ANO6: variants seen among roughly 807,000 people sequenced by gnomAD.
ANO6 encodes the protein anoctamin-6.
Under a neutral mutation model 117.5 loss-of-function variants are expected in ANO6, and 106 were observed. The ratio of observed to expected loss-of-function variants is 0.90; its 90% CI spans 0.77 to 1.06. The LOEUF (loss-of-function observed/expected upper bound fraction) is 1.06, where lower values mean the gene tolerates loss of function less well. ANO6 is among the 50% of genes least tolerant of loss of function. ANO6 has a pLI of 0.00. For missense variants in ANO6, 955 were observed against 1,121.1 expected (o/e 0.85, Z 2.12); for synonymous variants, 367 against 385.1 (o/e 0.95, Z 0.55).
chr12:45,293,623 T>C (rs1228194504), intron 1 of ANO6, among the ~76,000 whole-genome samples: 1 of 151,862 alleles, frequency 6.6e-6, no homozygotes, highest in Non-Finnish European at 1.5e-5. Flanking sequence ...TGCAGTGGCA[T>C]GATCTCAGCT....
intron 1 of ANO6, among the ~76,000 whole-genome samples, chr12:45,299,437 A>G (rs1201290434): frequency 2.6e-5 from 4 of 152,132 alleles, no homozygotes; most frequent in Non-Finnish European, 5.9e-5. Context: ...CCTCTAATGA[A>G]CTCAGTTTTT....
Position 45,218,390 on chromosome 12 carries a change from C to CTTTTT in ANO6, c.70+2017_70+2021dup, listed in dbSNP as rs76855973. ...ATGTGATTTCTGTTTCTTTCTTTCT[C>CTTTTT]TTTTTTTTTTTTTTTTTTTTTTGAG... On this transcript the variant is annotated intron_variant, in intron 1 of 19. Coordinates refer to ENST00000320560, the MANE Select transcript of ANO6 (RefSeq NM_001025356.3). 5.7e-4 allele frequency among the ~76,000 whole-genome samples: 63 copies of CTTTTT among 110,102 alleles called. 2 individuals carry two copies. The highest frequency in any genetic ancestry group is 2.0e-3 in the African/African-American group (53 of 26,128). The allele number at this position is 110,102 out of a possible 152,430, so 72.2% of individuals were successfully genotyped here.
chr12:45,437,474 T>C (rs1423150003), intron 19 of ANO6, among the ~76,000 whole-genome samples: 1 of 152,244 alleles, frequency 6.6e-6, no homozygotes, highest in African/African-American at 2.4e-5. Context: ...TTTTTAATGT[T>C]CTGTTTTCAT....
chr12:45,363,420 C>T (rs1038014494), intron 8 of ANO6, among the ~76,000 whole-genome samples: 17 of 151,972 alleles, frequency 1.1e-4, no homozygotes, highest in African/African-American at 4.1e-4. Context: ...GAAACTTAGC[C>T]GGGCATGGTG....
intron 2 of ANO6, among the ~76,000 whole-genome samples, chr12:45,307,600 G>C (rs1192403760): frequency 6.6e-6 from 1 of 152,100 alleles, no homozygotes; most frequent in Non-Finnish European, 1.5e-5. Flanking sequence ...TTAAAGAGGG[G>C]GGCCCAACCC....
At chr12:45,277,155 C>A (rs1046891326) in intron 1 of ANO6, among the ~76,000 whole-genome samples, 14 of 152,172 alleles carry the variant, frequency 9.2e-5, no homozygotes, top group African/African-American at 3.1e-4. Context: ...ACTTTCCCAA[C>A]CCCATTCCCT....
chr12:45,306,723 GA>G (rs540010771), intron 2 of ANO6, among the ~76,000 whole-genome samples: 34 of 149,304 alleles, frequency 2.3e-4, no homozygotes, highest in East Asian at 5.9e-4. Context: ...GAAGAAACAG[GA>G]AAAAAAAAAT....
chr12:45,290,891 A>C (rs1939071128), intron 1 of ANO6, among the ~76,000 whole-genome samples: 1 of 152,218 alleles, frequency 6.6e-6, no homozygotes, highest in Admixed American at 6.5e-5. Context: ...TCAAAACTTA[A>C]TGACAAAGCT....
intron 9 of ANO6, among the ~76,000 whole-genome samples, chr12:45,377,668 G>A (rs1039334538): frequency 4.6e-5 from 7 of 152,184 alleles, no homozygotes; most frequent in African/African-American, 1.7e-4. Flanking sequence ...TCTAAAAGTT[G>A]CTTAGGGATC....
intron 1 of ANO6, among the ~76,000 whole-genome samples, chr12:45,224,483 A>G (rs955016751): frequency 1.3e-5 from 2 of 152,174 alleles, no homozygotes; most frequent in South Asian, 4.1e-4. Context: ...GCTAAAAACA[A>G]AGCAAACTAT....
chr12:45,423,370 G>A (rs897883295), intron 19 of ANO6, among the ~76,000 whole-genome samples: 7 of 152,202 alleles, frequency 4.6e-5, no homozygotes, highest in African/African-American at 1.2e-4. Context: ...AGATGGGTAC[G>A]ATGATGTGAT....
intron 1 of ANO6, among the ~76,000 whole-genome samples, chr12:45,277,726 G>T (rs147962325): frequency 3.9e-5 from 6 of 152,198 alleles, no homozygotes; most frequent in Non-Finnish European, 7.4e-5. Context: ...GAAATTATCT[G>T]CTCTCAGAAT....
intron 1 of ANO6, among the ~76,000 whole-genome samples, chr12:45,224,650 G>A (rs1749902940): frequency 6.6e-6 from 1 of 152,036 alleles, no homozygotes; most frequent in African/African-American, 2.4e-5. Context: ...TACTTTATTT[G>A]GTTCTGAGAC....
chr12:45,239,879 T>G (rs1252448145), intron 1 of ANO6, among the ~76,000 whole-genome samples: 1 of 152,240 alleles, frequency 6.6e-6, no homozygotes, highest in Non-Finnish European at 1.5e-5. Flanking sequence ...TGCACTATGG[T>G]CTGAGAGACA....
At chr12:45,269,014 C>G (rs1032008694) in intron 1 of ANO6, among the ~76,000 whole-genome samples, 7 of 152,302 alleles carry the variant, frequency 4.6e-5, no homozygotes, top group Admixed American at 4.6e-4. Flanking sequence ...GACGCCTGGC[C>G]GCTCATTGGA....
chr12:45,433,295 T>TA (rs1565781233), downstream of ANO6, among the ~76,000 whole-genome samples: 2 of 152,226 alleles, frequency 1.3e-5, no homozygotes, highest in Non-Finnish European at 2.9e-5. Flanking sequence ...CCCTTTGCTA[T>TA]AGCATGCTCT....
rs747667680 is a variant in ANO6 at position 45,416,873 on chromosome 12, A to G, written c.2186A>G (p.Gln729Arg). 8 of 1,614,050 alleles carry G rather than the reference A, an allele frequency of 5.0e-6. No homozygotes were observed. The highest frequency in any genetic ancestry group is 1.6e-4 in the Middle Eastern group (1 of 6,082). The change falls in exon 17 of 20, where the codon CAA becomes CGA. Residue 729 changes from glutamine to arginine, a missense_variant. Physicochemically the swap from Gln to Arg is conservative, Grantham distance 43. Coordinates refer to ENST00000320560, the MANE Select transcript of ANO6 (RefSeq NM_001025356.3). ...ATTGGAGCATGGCAGCCCATCATGC[A>G]AGGAATAGCAATTCTGGCTGTGGTG... is the stretch of plus-strand genomic sequence containing the variant. Reference protein sequence around the residue: ...QDIGAWQPIMQGIAILAVVTN... With the variant: ...QDIGAWQPIMRGIAILAVVTN...
chr12:45,439,624 G>C (rs1023589989), intron 19 of ANO6: 1 of 1,248,316 alleles, frequency 8.0e-7, no homozygotes, highest in African/African-American at 1.6e-5. Context: ...AATTACCAGA[G>C]TATTCAAGAT....
intron 2 of ANO6, among the ~76,000 whole-genome samples, chr12:45,320,075 G>T (rs1940203787): frequency 6.6e-6 from 1 of 152,130 alleles, no homozygotes; most frequent in Admixed American, 6.6e-5. Flanking sequence ...CCAGCTCCTG[G>T]ATTCATTGAT....
Sources: gnomAD v4.1 joint callset for allele counts (sites outside exome capture counted in the v4.1 genomes callset) on GRCh38, gnomAD v4.1.1 for gene constraint, MANE v1.5 for transcripts, NCBI Gene and HGNC (gene_info 2026-07-23, HGNC 2026-07-21) for gene names.